Variants in DYNC2H1 observed in about 807,000 individuals in gnomAD.
DYNC2H1 encodes cytoplasmic dynein 2 heavy chain 1.
A neutral mutation model predicts 570.0 loss-of-function variants in DYNC2H1; 410 were observed. The ratio of observed to expected loss-of-function variants is 0.72; its 90% CI spans 0.66 to 0.78. DYNC2H1 has a LOEUF of 0.78. Among genes scored for constraint, DYNC2H1 ranks in the 30% least tolerant of loss-of-function variants. The pLI, the probability that DYNC2H1 is intolerant of heterozygous loss-of-function variation, is 0.00. For synonymous variants in DYNC2H1, 1,688 were observed against 1,677.6 expected, an observed-to-expected ratio of 1.01 and a Z score of -0.15; for missense variants, 4,865 against 5,046.4, an observed-to-expected ratio of 0.96 and a Z score of 1.09.
intron 11 of DYNC2H1, among the ~76,000 whole-genome samples, chr11:103,124,687 T>C (rs898797025): frequency 2.0e-5 from 3 of 152,154 alleles, no homozygotes; most frequent in Non-Finnish European, 4.4e-5. Flanking sequence ...TCCTACCATT[T>C]TGATATTCCT....
At chr11:103,452,325 A>G (rs975806368) in intron 85 of DYNC2H1, among the ~76,000 whole-genome samples, 1 of 149,628 alleles carries the variant, frequency 6.7e-6, no homozygotes, top group Non-Finnish European at 1.5e-5. Flanking sequence ...TATCACTGAT[A>G]CATTTGAATC....
rs755859742 is a variant in DYNC2H1, at chr11:103,170,265, A to G, written c.5126A>G (p.Gln1709Arg). ...VKALGGLLGR[Q>R]VLVFNCDEGI... is the part of the protein sequence containing the mutation. ...GCTTTAGGTGGACTTCTTGGAAGAC[A>G]AGTTTTAGTCTTTAATTGTGATGAG... is the stretch of plus-strand genomic sequence containing the variant. The change falls in exon 33 of 89, where the codon CAA (glutamine) becomes CGA (arginine). Residue 1709 changes from glutamine (Q) to arginine (R), a missense_variant. Physicochemically the swap from Gln to Arg is conservative, Grantham distance 43. This residue lies in a region of DYNC2H1 where 292 missense variants were observed against 300.2 expected (regional missense o/e 0.97). Transcript: ENST00000375735. This position sits in a 1 kb window ranked among gnomAD's most constrained non-coding sequence, Gnocchi z 4.8. 6 of 1,602,898 alleles carry G rather than the reference A, an allele frequency of 3.7e-6. No homozygotes were observed. The African/African-American group carries it at 4.0e-5, about 11-fold the overall frequency.
intron 83 of DYNC2H1, among the ~76,000 whole-genome samples, chr11:103,365,452 G>A (rs1591635860): frequency 6.6e-6 from 1 of 152,204 alleles, no homozygotes; most frequent in Non-Finnish European, 1.5e-5. Flanking sequence ...GTAAAGCCCA[G>A]AAATTGTAAC....
intron 66 of DYNC2H1, among the ~76,000 whole-genome samples, chr11:103,255,013 C>T (rs1864994993): frequency 6.6e-6 from 1 of 152,024 alleles, no homozygotes; most frequent in South Asian, 2.1e-4. Context: ...CCTCGTGATC[C>T]ACCCACCTCA....
Position 103,168,880 on chromosome 11 carries a change from C to G in DYNC2H1, c.4888C>G (p.Leu1630Val), listed in dbSNP as rs1861447323. 1 of 1,613,084 alleles carries G rather than the reference C, an allele frequency of 6.2e-7. No homozygotes were observed. Among genetic ancestry groups the G allele is most frequent in the Non-Finnish European group, 8.5e-7 (1 of 1,179,492 alleles). Residue 1630 changes from leucine (L) to valine (V), a missense_variant, in exon 32 of 89, where the codon CTT becomes GTT. By Grantham distance (32) the Leu-to-Val change is conservative (BLOSUM62 1). Coordinates refer to ENST00000375735, the MANE Select transcript of DYNC2H1 (RefSeq NM_001377.3). Reference sequence around the variant, plus strand: ...TGAAGACTGGGCTTGGAAAAAACAACTTAGATTCTATATGAAAAGTGATCA... The same window carrying G: ...TGAAGACTGGGCTTGGAAAAAACAAGTTAGATTCTATATGAAAAGTGATCA... ...TTEDWAWKKQLRFYMKSDHTC... is the reference protein window; with the variant it reads ...TTEDWAWKKQVRFYMKSDHTC...
intron 73 of DYNC2H1, among the ~76,000 whole-genome samples, chr11:103,285,605 A>G (rs1340905713): frequency 1.3e-5 from 2 of 151,154 alleles, no homozygotes; most frequent in Non-Finnish European, 2.9e-5. Context: ...TTGTATTTTT[A>G]GTAGAGATAG....
At chr11:103,257,521 A>G in intron 68 of DYNC2H1, 87 bp from the exon 69 acceptor site, 3 of 1,273,528 alleles carry the variant, frequency 2.4e-6, no homozygotes, top group African/African-American at 1.5e-5. Flanking sequence ...ACTTGGGTAG[A>G]TATGTGCATT....
intron 84 of DYNC2H1, among the ~76,000 whole-genome samples, chr11:103,416,670 A>G (rs959021485): frequency 1.3e-5 from 2 of 152,218 alleles, no homozygotes; most frequent in African/African-American, 4.8e-5. Flanking sequence ...AATATGGGTT[A>G]AAAACTTCAA....
chr11:103,209,017 T>G lies in DYNC2H1; in HGVS notation c.8455-859T>G, dbSNP rs1021709837. ...AAATATTCTCGTATAGGTTTAAGTG[T>G]TTTGTCAGAAATCAGTGAAGGCATA... On this transcript the variant is annotated intron_variant, in intron 52 of 88. Coordinates refer to ENST00000375735, the MANE Select transcript of DYNC2H1 (RefSeq NM_001377.3). This position sits in a 1 kb window ranked among gnomAD's most constrained non-coding sequence, Gnocchi z 4.2. Among the ~76,000 whole-genome samples the G allele has an allele frequency of 3.9e-5, 6 of 152,122 alleles. No homozygotes were observed. The highest frequency in any genetic ancestry group is 1.4e-4 in the African/African-American group (6 of 41,434).
intron 75 of DYNC2H1, among the ~76,000 whole-genome samples, chr11:103,298,369 G>A (rs998269584): frequency 1.6e-4 from 25 of 151,686 alleles, no homozygotes; most frequent in Non-Finnish European, 3.1e-4. Flanking sequence ...TTTAATATAC[G>A]TTTTTTGTGC....
chr11:103,271,343 A>G (rs1865703331), intron 70 of DYNC2H1, among the ~76,000 whole-genome samples: 1 of 152,204 alleles, frequency 6.6e-6, no homozygotes, highest in Admixed American at 6.5e-5. Context: ...ATACAGTTGA[A>G]TGTGCATAAA....
intron 76 of DYNC2H1, among the ~76,000 whole-genome samples, chr11:103,303,839 T>A (rs1867154872): frequency 6.6e-6 from 1 of 152,178 alleles, no homozygotes; most frequent in South Asian, 2.1e-4. Context: ...TTATAGGAAA[T>A]TCATACATTT....
chr11:103,438,731 A>C (rs1247768837), intron 85 of DYNC2H1, among the ~76,000 whole-genome samples: 1 of 152,192 alleles, frequency 6.6e-6, no homozygotes, highest in East Asian at 1.9e-4. Context: ...AAATATAATA[A>C]GCAGCTACTT....
rs932956830 is a variant in DYNC2H1 at position 103,235,763 on chromosome 11, C to A, written c.9659C>A (p.Ser3220Tyr). The change falls in exon 62 of 89, where the codon TCT becomes TAT. Residue 3220 changes from serine (S) to tyrosine (Y), a missense_variant. Physicochemically the swap from Ser to Tyr is moderately radical, Grantham distance 144. Coordinates refer to ENST00000375735, the MANE Select transcript of DYNC2H1 (RefSeq NM_001377.3). ...ACATATCTTTCTGCTGCTCCTGAAT[C>A]TCTGAGAAAAACCTGTTTGGAAGAA... Reference protein sequence around the residue: ...FITYLSAAPESLRKTCLEEWT... With the variant: ...FITYLSAAPEYLRKTCLEEWT... 3 of 1,611,732 alleles carry A rather than the reference C, an allele frequency of 1.9e-6. No individual in the cohort carries two copies. The highest frequency in any genetic ancestry group is 1.7e-5 in the Admixed American group (1 of 59,780).
chr11:103,223,745 T>G (rs1459070264), intron 59 of DYNC2H1, among the ~76,000 whole-genome samples: 1 of 88,992 alleles, frequency 1.1e-5, no homozygotes, highest in African/African-American at 4.0e-5. Flanking sequence ...TTATGTTTAT[T>G]TATTGATTTT....
Position 103,249,358 on chromosome 11 carries a change from AC to A in DYNC2H1, c.10043-3926del. On this transcript the variant is annotated intron_variant, in intron 65 of 88. Transcript: ENST00000375735. This position sits in a 1 kb window ranked among gnomAD's most constrained non-coding sequence, Gnocchi z 4.6. ...CCAAAGAAAAACTTTTTTTATTTTA[AC>A]TTTTTATTTAAAAATAAATATGCGT... Among the ~76,000 whole-genome samples, 1 of 152,106 alleles carries A rather than the reference AC, an allele frequency of 6.6e-6. No homozygotes were observed. The highest frequency in any genetic ancestry group is 1.9e-4 in the East Asian group (1 of 5,176).
intron 5 of DYNC2H1, among the ~76,000 whole-genome samples, chr11:103,117,324 A>C (rs575625797): frequency 6.7e-6 from 1 of 149,334 alleles, no homozygotes; most frequent in East Asian, 1.9e-4. Context: ...ACATGTGCAC[A>C]ACGTGCAGGT....
intron 84 of DYNC2H1, among the ~76,000 whole-genome samples, chr11:103,417,875 C>CAA (rs57468229): frequency 2.3e-5 from 3 of 131,460 alleles, no homozygotes; most frequent in Non-Finnish European, 5.0e-5. Flanking sequence ...GACTCCATCT[C>CAA]AAAAAAAAAA....
At chr11:103,365,885 C>T (rs1239091548) in intron 83 of DYNC2H1, among the ~76,000 whole-genome samples, 2 of 152,140 alleles carry the variant, frequency 1.3e-5, no homozygotes, top group African/African-American at 2.4e-5. Context: ...TGAACTAGTT[C>T]GATCATCTTT....
Sources: allele counts gnomAD v4.1 joint callset (sites outside exome capture counted in the v4.1 genomes callset), GRCh38; gene constraint gnomAD v4.1.1; regional missense constraint gnomAD v4.1.1; non-coding constraint Gnocchi (gnomAD v3.1); transcripts MANE v1.5; gene names NCBI Gene and HGNC (gene_info 2026-07-23, HGNC 2026-07-21).